Variants in RRAGC observed in about 807,000 individuals in gnomAD.
RRAGC encodes Ras related GTP binding C, also known as ras-related GTP-binding protein C.
A neutral mutation model predicts 37.1 loss-of-function variants in RRAGC; 8 were observed. That is an observed-to-expected ratio of 0.22 (90% CI 0.13 to 0.39). RRAGC has a LOEUF of 0.39. Among genes scored for constraint, RRAGC ranks in the 10% least tolerant of loss-of-function variants. The pLI is 1.00. For synonymous variants in RRAGC, 190 were observed against 181.1 expected (o/e 1.05, Z -0.39); for missense variants, 342 against 497.6 (o/e 0.69, Z 2.98).
intron 6 of RRAGC, among the ~76,000 whole-genome samples, chr1:38,843,492 A>G (rs6600448): frequency 0.36 from 54,423 of 151,896 alleles, 10,894 homozygotes; most frequent in Non-Finnish European, 0.44. Context: ...AGGCCGAGGC[A>G]GGCAGATCAC....
At position 38,846,021 on chromosome 1, in the gene RRAGC, A is replaced by G. The variant is rs1272825884; in HGVS notation, c.966T>C (p.Asn322=). 6.2e-7 allele frequency: 1 copy of G among 1,611,998 alleles called. No individual in the cohort carries two copies. Residue 322 remains asparagine, a synonymous_variant, in exon 6 of 7, where the codon AAT becomes AAC. Coordinates refer to ENST00000373001, the MANE Select transcript of RRAGC (RefSeq NM_022157.4). ...CCTCCTTTAAATAAAGGACAGTTGT[A>G]TTATTCAGCTTGATAATTGCCATAG... ...KESMAIIKLN[N]TTVLYLKEVT...
In RRAGC at chr1:38,838,615, G is replaced by C. The variant is rs1402697549; in HGVS notation, c.*938C>G. 6.6e-6 allele frequency: 1 copy of C among 152,214 alleles called. No individual in the cohort carries two copies. The highest frequency in any genetic ancestry group is 1.9e-4 in the East Asian group (1 of 5,196). The allele number at this position is 152,214 out of a possible 1,614,324, so 9.4% of individuals were successfully genotyped here. On this transcript the variant is annotated 3_prime_UTR_variant, in exon 7 of 7. Coordinates refer to ENST00000373001, the MANE Select transcript of RRAGC (RefSeq NM_022157.4). ...AAAACAATGCCTGTTGCAGCACCAC[G>C]TGCTCACTCCAACTCCCAGTGGACA...
chr1:38,858,828 G>T (rs958593531), intron 1 of RRAGC, among the ~76,000 whole-genome samples: 1 of 152,208 alleles, frequency 6.6e-6, no homozygotes, highest in African/African-American at 2.4e-5. Context: ...ACCCCTACAG[G>T]GGGAACAGCA....
chr1:38,859,723 T>TCCGCCGCCGCCGCCACCACCGCCA lies in RRAGC; in HGVS notation c.-101_-78dup, dbSNP rs1642216525. The TCCGCCGCCGCCGCCACCACCGCCA allele has an allele frequency of 1.7e-6, 2 of 1,167,302 alleles. No homozygotes were observed. Among genetic ancestry groups the TCCGCCGCCGCCGCCACCACCGCCA allele is most frequent in the Admixed American group, 4.4e-5 (1 of 22,722 alleles). The allele number at this position is 1,167,302 out of a possible 1,614,324, so 72.3% of individuals were successfully genotyped here. A position where few individuals can be genotyped will look rare whatever the true frequency, so the allele number is the denominator to read the frequency against. ...CAGGCCGCCGCCTCCCCAGTCCGCC[T>TCCGCCGCCGCCGCCACCACCGCCA]CCGCCGCCGCCGCCACCACCGCCAC... is the stretch of plus-strand genomic sequence containing the variant. On this transcript the variant is annotated 5_prime_UTR_variant, in exon 1 of 7. Coordinates refer to ENST00000373001, the MANE Select transcript of RRAGC (RefSeq NM_022157.4).
intron 6 of RRAGC, among the ~76,000 whole-genome samples, chr1:38,840,800 G>T (rs11586091): frequency 0.067 from 10,260 of 152,190 alleles, 443 homozygotes; most frequent in Middle Eastern, 0.11. Flanking sequence ...TGAATAAGTA[G>T]GTTACAGCCA....
chr1:38,845,996 C>T lies in RRAGC; in HGVS notation c.991G>A (p.Val331Met). 7 of 1,612,370 alleles carry T rather than the reference C, an allele frequency of 4.3e-6. No homozygotes were observed. The highest frequency in any genetic ancestry group is 5.9e-6 in the Non-Finnish European group (7 of 1,178,696). ...CAGACCAGTGCCAAAAATTTAGTCA[C>T]CTCCTTTAAATAAAGGACAGTTGTA... is the stretch of plus-strand genomic sequence containing the variant. ...NNTTVLYLKEVTKFLALVCIL... is the reference protein window; with the variant it reads ...NNTTVLYLKEMTKFLALVCIL... The change falls in exon 6 of 7, where the codon GTG becomes ATG. Residue 331 changes from valine (V) to methionine (M), a missense_variant. Coordinates refer to ENST00000373001, the MANE Select transcript of RRAGC (RefSeq NM_022157.4).
At chr1:38,841,853 T>C (rs1446696468) in intron 6 of RRAGC, among the ~76,000 whole-genome samples, 1 of 151,946 alleles carries the variant, frequency 6.6e-6, no homozygotes, top group African/African-American at 2.4e-5. Context: ...TAAACTAACA[T>C]AGGCTGGGCG....
At chr1:38,854,714 G>A (rs1642145656) in intron 3 of RRAGC, among the ~76,000 whole-genome samples, 1 of 152,146 alleles carries the variant, frequency 6.6e-6, no homozygotes, top group Non-Finnish European at 1.5e-5. Context: ...GCAAACTAGA[G>A]GTCAATGAGA....
chr1:38,848,617 G>C (rs560622498), intron 5 of RRAGC, among the ~76,000 whole-genome samples: 6 of 152,110 alleles, frequency 3.9e-5, no homozygotes, highest in South Asian at 4.1e-4. Context: ...TAAAGCATAA[G>C]ATCTGCTTTC....
chr1:38,857,955 TAACA>T (rs1484812776), intron 1 of RRAGC, among the ~76,000 whole-genome samples: 2 of 151,356 alleles, frequency 1.3e-5, no homozygotes, highest in African/African-American at 4.9e-5. Flanking sequence ...CAAGACTCCA[TAACA>T]AACAAACAAA....
At chr1:38,843,030 C>T (rs770021715) in intron 6 of RRAGC, among the ~76,000 whole-genome samples, 89 of 152,026 alleles carry the variant, frequency 5.9e-4, no homozygotes, top group Non-Finnish European at 1.0e-3. Context: ...TTGAGAAAAA[C>T]ACACAGAAGA....
rs1642100266 is a variant in RRAGC at position 38,851,462 on chromosome 1, G to A, written c.899+153C>T. ...TAAGACCCAGCAGCCAACTTCCAGA[G>A]AAATCATGCTCCAAGTTAAAGCACT... On this transcript the variant is annotated intron_variant, in intron 5 of 6. Transcript: ENST00000373001. The A allele has an allele frequency of 8.5e-6, 5 of 590,090 alleles. No individual in the cohort carries two copies. In the East Asian group the frequency reaches 1.7e-4, roughly 20 times the overall value. The allele number at this position is 590,090 out of a possible 1,614,324, so 36.6% of individuals were successfully genotyped here.
chr1:38,840,957 T>C (rs549223000), intron 6 of RRAGC, among the ~76,000 whole-genome samples: 2 of 152,362 alleles, frequency 1.3e-5, no homozygotes, highest in African/African-American at 4.8e-5. Flanking sequence ...ATATTTGATA[T>C]CATTAAGTCA....
rs1199942161 is a variant in RRAGC, at chr1:38,859,536, C to T, written c.111G>A (p.Ala37=). The change falls in exon 1 of 7, where the codon GCG becomes GCA. Residue 37 remains alanine, a synonymous_variant. Coordinates refer to ENST00000373001, the MANE Select transcript of RRAGC (RefSeq NM_022157.4). ...CCCCAACCCCTCCGCCCGCCGCCGC[C>T]GCCTCCTCTTCCTCCTCCTCCACGC... The part of the protein sequence containing the change: ...GYGVEEEEEE[A]AAAGGGVGAG... 13 of 1,548,396 alleles carry T rather than the reference C, an allele frequency of 8.4e-6. No individual in the cohort carries two copies. In the Admixed American group the frequency reaches 2.2e-4, roughly 26 times the overall value.
Position 38,846,079 on chromosome 1 carries a change from T to G in RRAGC, c.908A>C (p.Glu303Ala). ...GTCATAAGCACTTCCACTTCCATCT[T>G]CCTTTAACCTATTTTAAAAGAAAGT... The part of the protein sequence containing the change: ...IDVSCIYGLK[E>A]DGSGSAYDKE... The change falls in exon 6 of 7, where the codon GAA becomes GCA. Residue 303 changes from glutamate (E) to alanine (A), a missense_variant. By Grantham distance (107) the Glu-to-Ala change is moderately radical. This residue lies in a region of RRAGC where 104 missense variants were observed against 127.0 expected (regional missense o/e 0.82). Transcript: ENST00000373001. 2 of 1,607,540 alleles carry G rather than the reference T, an allele frequency of 1.2e-6. No homozygotes were observed. Among genetic ancestry groups the G allele is most frequent in the South Asian group, 2.2e-5 (2 of 89,624 alleles).
chr1:38,844,593 T>C (rs114293213), intron 6 of RRAGC, among the ~76,000 whole-genome samples: 2,625 of 152,102 alleles, frequency 0.017, 75 homozygotes, highest in African/African-American at 0.06. Flanking sequence ...GCTTAGAAGA[T>C]TGAAAAGCCT....
rs1218141736 is a variant in RRAGC at position 38,857,021 on chromosome 1, T to C, written c.299A>G (p.Tyr100Cys). The C allele has an allele frequency of 6.2e-7, 1 of 1,613,964 alleles. No homozygotes were observed. Among genetic ancestry groups the C allele is most frequent in the African/African-American group, 1.3e-5 (1 of 74,936 alleles). The change falls in exon 2 of 7, where the codon TAT becomes TGT. Residue 100 changes from tyrosine to cysteine, a missense_variant. Tyr to Cys is a radical substitution (Grantham distance 194). Coordinates refer to ENST00000373001, the MANE Select transcript of RRAGC (RefSeq NM_022157.4). ...TLFLESTNKI[Y>C]KDDISNSSFV... ...GGAGCTATTGGAAATGTCATCCTTATAAATCTTGTTGGTACTTTCCAAAAA... is the reference window on the plus strand; with the variant it reads ...GGAGCTATTGGAAATGTCATCCTTACAAATCTTGTTGGTACTTTCCAAAAA...
rs1642023256 is a variant in RRAGC at position 38,845,976 on chromosome 1, C to T, written c.1011G>A (p.Leu337=). 6.2e-7 allele frequency: 1 copy of T among 1,613,076 alleles called. No homozygotes were observed. ...AGCTTTCTTCCCTTAGAATGCAGAC[C>T]AGTGCCAAAAATTTAGTCACCTCCT... ...YLKEVTKFLA[L]VCILREESFE... is the part of the protein sequence containing the mutation. Residue 337 remains leucine (L), a synonymous_variant, in exon 6 of 7, where the codon CTG becomes CTA. Transcript: ENST00000373001.
rs1641916875 is a variant in RRAGC, at chr1:38,838,982, A to C, written c.*571T>G. ...TTGCTCTCCACCTGATGCAGCATAA[A>C]ATTTTCTCTCATTTCTTCAATATAG... is the stretch of plus-strand genomic sequence containing the variant. On this transcript the variant is annotated 3_prime_UTR_variant, in exon 7 of 7. Transcript: ENST00000373001. 6.6e-6 allele frequency: 1 copy of C among 152,166 alleles called. No individual in the cohort carries two copies. The highest frequency in any genetic ancestry group is 1.5e-5 in the Non-Finnish European group (1 of 68,042). The allele number at this position is 152,166 out of a possible 1,614,324, so 9.4% of individuals were successfully genotyped here.
Sources: gnomAD v4.1 joint callset for allele counts (sites outside exome capture counted in the v4.1 genomes callset) on GRCh38, gnomAD v4.1.1 for gene constraint, gnomAD v4.1.1 regional missense constraint, MANE v1.5 for transcripts, NCBI Gene and HGNC (gene_info 2026-07-23, HGNC 2026-07-21) for gene names.